ARHGEF11: variants seen among roughly 807,000 people sequenced by gnomAD.
ARHGEF11 encodes Rho guanine nucleotide exchange factor 11.
In ARHGEF11, 55 loss-of-function variants were observed where a neutral mutation model predicts 193.7. The ratio of observed to expected loss-of-function variants is 0.28; its 90% CI spans 0.23 to 0.36. The LOEUF (loss-of-function observed/expected upper bound fraction) is 0.36. ARHGEF11 is among the 10% of genes least tolerant of loss of function. The pLI is 1.00. For synonymous variants in ARHGEF11, 693 were observed against 768.0 expected (o/e 0.90, Z 1.62); for missense variants, 1,723 against 2,005.6 (o/e 0.86, Z 2.69).
At chr1:157,034,437 G>C (rs572927319) in intron 1 of ARHGEF11, among the ~76,000 whole-genome samples, 2 of 152,352 alleles carry the variant, frequency 1.3e-5, no homozygotes, top group East Asian at 3.9e-4. Context: ...GAGGCTGAAG[G>C]CAGGCAACCC....
intron 1 of ARHGEF11, among the ~76,000 whole-genome samples, chr1:156,998,882 G>C (rs1401826610): frequency 6.6e-6 from 1 of 152,220 alleles, no homozygotes; most frequent in Admixed American, 6.5e-5. Flanking sequence ...AGGAAGCCAG[G>C]AGACCTAGAT....
At chr1:156,936,492 AAAAAAATATATAT>A (rs1655222967) in intron 40 of ARHGEF11, among the ~76,000 whole-genome samples, 1 of 95,486 alleles carries the variant, frequency 1.0e-5, no homozygotes. Context: ...AAAAAAAAAA[AAAAAAATATATAT>A]ATATATATAT....
chr1:156,947,135 T>C (rs1658290970), intron 26 of ARHGEF11, 120 bp from the exon 27 acceptor site: 4 of 1,476,702 alleles, frequency 2.7e-6, no homozygotes, highest in Non-Finnish European at 3.7e-6. Context: ...GAAACCATTG[T>C]ACTTTCGGGG....
At chr1:156,969,244 T>A (rs1662179743) in intron 10 of ARHGEF11, 38 bp downstream of exon 10, 1 of 1,546,962 alleles carries the variant, frequency 6.5e-7, no homozygotes, top group African/African-American at 1.4e-5. Context: ...GGACCCCGAA[T>A]GCACGTTCTG....
intron 1 of ARHGEF11, among the ~76,000 whole-genome samples, chr1:157,001,960 G>C (rs1667251879): frequency 6.6e-6 from 1 of 152,128 alleles, no homozygotes; most frequent in East Asian, 1.9e-4. Context: ...GTATCCTAAA[G>C]GTTTGAATAT....
intron 7 of ARHGEF11, among the ~76,000 whole-genome samples, chr1:156,972,173 A>C (rs1480435444): frequency 6.6e-6 from 1 of 152,232 alleles, no homozygotes; most frequent in African/African-American, 2.4e-5. Flanking sequence ...AACATAAAAA[A>C]GTGCTTAAGA....
In ARHGEF11 at chr1:157,044,382, T is replaced by A; in HGVS notation, c.-52A>T. ...GAATCCTGTAGCTTTGGTGTCTTGA[T>A]CAGGATTGAATCGCTTGCAATTTTT... On this transcript the variant is annotated 5_prime_UTR_variant, in exon 1 of 41. Transcript: ENST00000368194. The A allele has an allele frequency of 1.3e-6, 2 of 1,598,036 alleles. No individual in the cohort carries two copies. The highest frequency in any genetic ancestry group is 2.2e-5 in the East Asian group (1 of 44,786).
At chr1:156,944,940 C>T in intron 30 of ARHGEF11, 79 bp downstream of exon 30, 1 of 1,534,758 alleles carries the variant, frequency 6.5e-7, no homozygotes, top group Non-Finnish European at 8.7e-7. Flanking sequence ...CTAAGACTCT[C>T]CAAGCCCTGA....
intron 33 of ARHGEF11, 109 bp downstream of exon 33, chr1:156,942,581 A>T: frequency 1.0e-6 from 1 of 955,322 alleles, no homozygotes; most frequent in Non-Finnish European, 1.6e-6. Flanking sequence ...CCCCTTGTCC[A>T]GGGACTGCTT....
chr1:156,968,882 T>C (rs945955761), intron 10 of ARHGEF11, among the ~76,000 whole-genome samples: 29 of 152,208 alleles, frequency 1.9e-4, no homozygotes, highest in African/African-American at 6.5e-4. Context: ...AGACTACCAC[T>C]TCTGAATAGG....
rs1432178267 is a variant in ARHGEF11, at chr1:156,944,951, C to T, written c.2991+68G>A. 2.6e-6 allele frequency: 4 copies of T among 1,559,124 alleles called. No individual in the cohort carries two copies. In the African/African-American group the frequency reaches 4.1e-5, roughly 16 times the overall value. On this transcript the variant is annotated intron_variant, in intron 30 of 40. Coordinates refer to ENST00000368194, the MANE Select transcript of ARHGEF11 (RefSeq NM_198236.3). ...ACCTCTAAGACTCTCCAAGCCCTGACCAGTGTTCTGCTCCTAAGGGTACCC... is the reference window on the plus strand; with the variant it reads ...ACCTCTAAGACTCTCCAAGCCCTGATCAGTGTTCTGCTCCTAAGGGTACCC...
intron 18 of ARHGEF11, among the ~76,000 whole-genome samples, chr1:156,956,995 G>A (rs780195002): frequency 6.6e-6 from 1 of 152,174 alleles, no homozygotes; most frequent in Non-Finnish European, 1.5e-5. Flanking sequence ...CCAGGGGAAA[G>A]GAGAAATGCC....
chr1:156,939,168 C>T, intron 37 of ARHGEF11: 1 of 283,128 alleles, frequency 3.5e-6, no homozygotes, highest in Non-Finnish European at 6.7e-6. Flanking sequence ...CTTTCCCGGC[C>T]TGAGGCTCCT....
rs1034821837 is a variant in ARHGEF11 at position 157,003,176 on chromosome 1, C to G, written c.33-17003G>C. 1.1e-4 allele frequency among the ~76,000 whole-genome samples: 16 copies of G among 152,338 alleles called. No individual in the cohort carries two copies. In the East Asian group the frequency reaches 3.1e-3, roughly 29 times the overall value. On this transcript the variant is annotated intron_variant, in intron 1 of 40. Coordinates refer to ENST00000368194, the MANE Select transcript of ARHGEF11 (RefSeq NM_198236.3). ...ATTTTACAGATAAGAAAATGGGCTA[C>G]AGAAAGGCTGAGCCACTTGCTTGAT...
chr1:156,995,704 GT>G lies in ARHGEF11; in HGVS notation c.33-9532del, dbSNP rs386368407. 2.2e-3 allele frequency among the ~76,000 whole-genome samples: 280 copies of G among 127,156 alleles called. 2 individuals carry two copies. The highest frequency in any genetic ancestry group is 2.9e-3 in the East Asian group (13 of 4,518). The allele number at this position is 127,156 out of a possible 152,430, so 83.4% of individuals were successfully genotyped here. Reference sequence around the variant, plus strand: ...AGCTCCCTGAGTAGCTGCCCAGCTTGTTTTTTTTTTTTTTTTTTAAATAGAG... The same window carrying G: ...AGCTCCCTGAGTAGCTGCCCAGCTTGTTTTTTTTTTTTTTTTTAAATAGAG... On this transcript the variant is annotated intron_variant, in intron 1 of 40. Coordinates refer to ENST00000368194, the MANE Select transcript of ARHGEF11 (RefSeq NM_198236.3).
intron 11 of ARHGEF11, among the ~76,000 whole-genome samples, chr1:156,967,207 AT>A (rs1661790754): frequency 6.6e-6 from 1 of 152,248 alleles, no homozygotes; most frequent in Non-Finnish European, 1.5e-5. Flanking sequence ...TTTCCTTGAG[AT>A]GAATTTAAGT....
intron 21 of ARHGEF11, among the ~76,000 whole-genome samples, chr1:156,954,380 C>CAAAAAAAAAAAAAA (rs559848711): frequency 4.0e-5 from 3 of 75,162 alleles, no homozygotes; most frequent in East Asian, 6.3e-4. Flanking sequence ...ACTGTGTCTC[C>CAAAAAAAAAAAAAA]AAAAAAAAAA....
At chr1:157,042,108 G>A (rs2103108207) in intron 1 of ARHGEF11, among the ~76,000 whole-genome samples, 1 of 152,266 alleles carries the variant, frequency 6.6e-6, no homozygotes, top group South Asian at 2.1e-4. Flanking sequence ...AGCTAGCTGG[G>A]GATGTCTGAA....
At chr1:156,958,919 G>A in intron 16 of ARHGEF11, 55 bp from the exon 17 acceptor site, 1 of 1,612,346 alleles carries the variant, frequency 6.2e-7, no homozygotes. Context: ...CTCAACAGAT[G>A]GACATCCAGA....
Sources: gnomAD v4.1 joint callset for allele counts (sites outside exome capture counted in the v4.1 genomes callset) on GRCh38, gnomAD v4.1.1 for gene constraint, MANE v1.5 for transcripts, NCBI Gene and HGNC (gene_info 2026-07-23, HGNC 2026-07-21) for gene names.